Variants in PDE4A observed in about 807,000 individuals in gnomAD.
PDE4A encodes phosphodiesterase 4A, also known as 3',5'-cyclic-AMP phosphodiesterase 4A.
A neutral mutation model predicts 73.9 loss-of-function variants in PDE4A; 21 were observed. The ratio of observed to expected loss-of-function variants is 0.28; its 90% CI spans 0.20 to 0.41. The LOEUF is 0.41. Ranked by LOEUF, PDE4A falls within the 10% of genes least tolerant of loss-of-function variation. The pLI, the probability that PDE4A is intolerant of heterozygous loss-of-function variation, is 1.00. For missense variants in PDE4A, 958 were observed against 1,211.4 expected, an observed-to-expected ratio of 0.79 and a Z score of 3.10; for synonymous variants, 463 against 505.4, an observed-to-expected ratio of 0.92 and a Z score of 1.13.
intron 6 of PDE4A, among the ~76,000 whole-genome samples, chr19:10,451,483 G>C (rs2043090935): frequency 6.6e-6 from 1 of 152,120 alleles, no homozygotes. Flanking sequence ...TATTGGCTAC[G>C]CATTTGCAGC....
At position 10,453,251 on chromosome 19, in the gene PDE4A, C is replaced by T; in HGVS notation, c.784-1578C>T. The stretch of plus-strand genomic sequence containing the variant: ...TCTGTGTGCAGCAGCCCCAGGCGGG[C>T]TAAGTCTCCAAGATGCCCTTGGTGG... On this transcript the variant is annotated intron_variant, in intron 6 of 14. Transcript: ENST00000380702. The surrounding 1 kb of genome is among the most constrained non-coding windows in gnomAD (Gnocchi z 4.6). 1 of 1,610,468 alleles carries T rather than the reference C, an allele frequency of 6.2e-7. No individual in the cohort carries two copies. Among genetic ancestry groups the T allele is most frequent in the Non-Finnish European group, 8.5e-7 (1 of 1,178,388 alleles).
At chr19:10,447,950 C>T (rs1046719371) in intron 2 of PDE4A, among the ~76,000 whole-genome samples, 3 of 152,100 alleles carry the variant, frequency 2.0e-5, no homozygotes, top group African/African-American at 4.8e-5. Flanking sequence ...CATCAAGCCC[C>T]GCCCTTGCAA....
In PDE4A at chr19:10,454,818, C is replaced by T; in HGVS notation, c.784-11C>T. 1.2e-6 allele frequency: 2 copies of T among 1,613,954 alleles called. No homozygotes were observed. The highest frequency in any genetic ancestry group is 1.3e-5 in the African/African-American group (1 of 75,034). ...CCCATCATTTCTTCCTTGTTGACTC[C>T]TTTACCTTAGTTCAAAAGGATGTTG... is the stretch of plus-strand genomic sequence containing the variant. On this transcript the variant is annotated splice_polypyrimidine_tract_variant and intron_variant, in intron 6 of 14. Coordinates refer to ENST00000380702, the MANE Select transcript of PDE4A (RefSeq NM_001111307.2).
At chr19:10,449,450 C>T (rs749636256) in intron 4 of PDE4A, among the ~76,000 whole-genome samples, 10 of 152,122 alleles carry the variant, frequency 6.6e-5, no homozygotes, top group Non-Finnish European at 1.5e-4. Context: ...ACCTCTGCCT[C>T]CCGGGTTCAA....
At chr19:10,432,184 G>A (rs866095809) in intron 1 of PDE4A, among the ~76,000 whole-genome samples, 2 of 143,392 alleles carry the variant, frequency 1.4e-5, no homozygotes, top group African/African-American at 2.5e-5. Context: ...GACGGGGGGG[G>A]GGGGGGGAAG....
At chr19:10,441,431 T>A (rs1860954380) in intron 1 of PDE4A, among the ~76,000 whole-genome samples, 1 of 151,738 alleles carries the variant, frequency 6.6e-6, no homozygotes, top group African/African-American at 2.4e-5. Flanking sequence ...CCAGCCCTTT[T>A]TTTTTTTAAG....
At chr19:10,460,077 G>A (rs982340568) in intron 10 of PDE4A, among the ~76,000 whole-genome samples, 2 of 151,978 alleles carry the variant, frequency 1.3e-5, no homozygotes, top group Non-Finnish European at 2.9e-5. Context: ...TAGAGATGGC[G>A]TTTCGCCAAG....
chr19:10,453,222 A>G lies in PDE4A; in HGVS notation c.784-1607A>G, dbSNP rs1291291004. On this transcript the variant is annotated intron_variant, in intron 6 of 14. Transcript: ENST00000380702. This position sits in a 1 kb window ranked among gnomAD's most constrained non-coding sequence, Gnocchi z 4.6. ...GTTAACCCCGGGACTCCCCAAGCCCAGCCTCTGTGTGCAGCAGCCCCAGGC... is the reference window on the plus strand; with the variant it reads ...GTTAACCCCGGGACTCCCCAAGCCCGGCCTCTGTGTGCAGCAGCCCCAGGC... 5.7e-6 allele frequency: 9 copies of G among 1,588,330 alleles called. No homozygotes were observed. The highest frequency in any genetic ancestry group is 7.7e-6 in the Non-Finnish European group (9 of 1,167,372).
chr19:10,421,539 C>T (rs2042651588), intron 1 of PDE4A, among the ~76,000 whole-genome samples: 1 of 152,096 alleles, frequency 6.6e-6, no homozygotes, highest in African/African-American at 2.4e-5. Context: ...GGGGTGCTCT[C>T]AGGGTCCTTC....
chr19:10,452,369 G>A (rs1186318994), intron 6 of PDE4A, among the ~76,000 whole-genome samples: 1 of 151,838 alleles, frequency 6.6e-6, no homozygotes, highest in African/African-American at 2.4e-5. Context: ...CCTGGAAGGC[G>A]GAGGTTGTGG....
rs34169084 is a variant in PDE4A, at chr19:10,447,217, CTTTTTTTTTTTTTTT to C, written c.512+820_512+834del. Among the ~76,000 whole-genome samples, 3 of 59,200 alleles carry C rather than the reference CTTTTTTTTTTTTTTT, an allele frequency of 5.1e-5. No homozygotes were observed. In the South Asian group the frequency reaches 2.3e-3, roughly 45 times the overall value. The allele number at this position is 59,200 out of a possible 152,430, so 38.8% of individuals were successfully genotyped here. ...GCCTGGCCTCAGTTCCTTTTTTTCT[CTTTTTTTTTTTTTTT>C]TTTTTTTTTTTGAGACAGAATCTCA... On this transcript the variant is annotated intron_variant, in intron 2 of 14. Coordinates refer to ENST00000380702, the MANE Select transcript of PDE4A (RefSeq NM_001111307.2).
At chr19:10,442,544 C>A (rs1261429157) in intron 1 of PDE4A, among the ~76,000 whole-genome samples, 1 of 151,828 alleles carries the variant, frequency 6.6e-6, no homozygotes, top group Non-Finnish European at 1.5e-5. Context: ...CAAAGCAAAA[C>A]AAAAATGTAT....
rs944271322 is a variant in PDE4A, at chr19:10,457,440, G to A, written c.878-439G>A. On this transcript the variant is annotated intron_variant, in intron 7 of 14. Transcript: ENST00000380702. Reference sequence around the variant, plus strand: ...CTGGTGCCAAGGTGGGCGGGGGGGGGGGGGGGCAGGGACATGGAGCCAGAG... The same window carrying A: ...CTGGTGCCAAGGTGGGCGGGGGGGGAGGGGGGCAGGGACATGGAGCCAGAG... 6.4e-4 allele frequency among the ~76,000 whole-genome samples: 87 copies of A among 135,438 alleles called. 8 individuals are homozygous for A. The highest frequency in any genetic ancestry group is 2.3e-3 in the South Asian group (8 of 3,542). The allele number at this position is 135,438 out of a possible 152,430, so 88.9% of individuals were successfully genotyped here. A position where few individuals can be genotyped will look rare whatever the true frequency, so the allele number is the denominator to read the frequency against.
chr19:10,422,797 A>G (rs2042668071), intron 1 of PDE4A, among the ~76,000 whole-genome samples: 1 of 152,162 alleles, frequency 6.6e-6, no homozygotes, highest in South Asian at 2.1e-4. Flanking sequence ...GGCTGAAGGA[A>G]GAGAAAGTTG....
chr19:10,421,227 G>C (rs778042766), intron 1 of PDE4A, 143 bp downstream of exon 1: 2 of 1,336,382 alleles, frequency 1.5e-6, no homozygotes, highest in East Asian at 6.3e-5. Flanking sequence ...CTGCGGGGGC[G>C]TCTGGGACCT....
rs929663338 is a variant in PDE4A at position 10,454,186 on chromosome 19, C to A, written c.784-643C>A. 5.9e-5 allele frequency among the ~76,000 whole-genome samples: 9 copies of A among 152,078 alleles called. 1 individual carries two copies. Among genetic ancestry groups the A allele is most frequent in the Admixed American group, 5.2e-4 (8 of 15,272 alleles). On this transcript the variant is annotated intron_variant, in intron 6 of 14. Coordinates refer to ENST00000380702, the MANE Select transcript of PDE4A (RefSeq NM_001111307.2). The stretch of plus-strand genomic sequence containing the variant: ...GGGGGAGAGTGGGCTATGATGAGAA[C>A]CCCCCTCCCCCTCCCCTGGGTGATC...
upstream of PDE4A, chr19:10,418,914 A>C: frequency 1.0e-6 from 1 of 984,520 alleles, no homozygotes; most frequent in Non-Finnish European, 1.2e-6. Context: ...GGTGTTCCTG[A>C]GAGAAGTGGG....
In PDE4A at chr19:10,467,417, C is replaced by A. The variant is rs753366122; in HGVS notation, c.2457C>A (p.Pro819=). The A allele has an allele frequency of 1.9e-6, 3 of 1,614,008 alleles. No homozygotes were observed. The South Asian group carries it at 3.3e-5, about 18-fold the overall frequency. ...SSPSALALQS[P]LLPAWRTLSV... is the part of the protein sequence containing the mutation. ...CCTCTGCCCTGGCTCTTCAAAGCCC[C>A]CTTCTCCCTGCTTGGAGGACCCTGT... Residue 819 remains proline (P), a synonymous_variant, in exon 15 of 15, where the codon CCC becomes CCA. Transcript: ENST00000380702.
At chr19:10,435,649 A>G (rs918426049) in intron 1 of PDE4A, among the ~76,000 whole-genome samples, 2 of 152,064 alleles carry the variant, frequency 1.3e-5, no homozygotes, top group Non-Finnish European at 2.9e-5. Flanking sequence ...TGGGCGGGTC[A>G]CTTCACCTCC....
Sources: gnomAD v4.1 joint callset for allele counts (sites outside exome capture counted in the v4.1 genomes callset) on GRCh38, gnomAD v4.1.1 for gene constraint, Gnocchi (gnomAD v3.1) non-coding constraint, MANE v1.5 for transcripts, NCBI Gene and HGNC (gene_info 2026-07-23, HGNC 2026-07-21) for gene names.